Variants in CSMD3 observed in about 807,000 individuals in gnomAD.
CSMD3 encodes the protein CUB and sushi domain-containing protein 3.
CSMD3 carries 177 observed loss-of-function variants against 435.2 expected under a neutral mutation model. That is an observed-to-expected ratio of 0.41 (90% CI 0.36 to 0.46). CSMD3 has a LOEUF of 0.46. CSMD3 is among the 20% of genes least tolerant of loss of function. The pLI is 0.34. For missense variants in CSMD3, 4,265 were observed against 4,504.6 expected (o/e 0.95, Z 1.52); for synonymous variants, 1,656 against 1,520.5 (o/e 1.09, Z -2.07).
chr8:113,116,985 G>A (rs1444468150), intron 4 of CSMD3, among the ~76,000 whole-genome samples: 7 of 152,092 alleles, frequency 4.6e-5, no homozygotes, highest in African/African-American at 7.2e-5. Flanking sequence ...GAGGAAACAC[G>A]GCATAAAAGT....
chr8:112,899,480 A>G (rs978451882), intron 10 of CSMD3, among the ~76,000 whole-genome samples: 11 of 146,816 alleles, frequency 7.5e-5, no homozygotes, highest in Admixed American at 5.5e-4. Context: ...TAATATTCTA[A>G]AGCATTCACT....
rs1303055761 is a variant in CSMD3, at chr8:112,636,970, G to T, written c.3562C>A (p.Pro1188Thr). The T allele has an allele frequency of 1.2e-6, 2 of 1,613,706 alleles. No individual in the cohort carries two copies. The highest frequency in any genetic ancestry group is 1.7e-5 in the Admixed American group (1 of 59,946). Reference sequence around the variant, plus strand: ...AACCCGATTCGACTACCATATTGAGGAATGCCAGGATCTTCACAAGGTTCA... The same window carrying T: ...AACCCGATTCGACTACCATATTGAGTAATGCCAGGATCTTCACAAGGTTCA... Reference protein sequence around the residue: ...NLEPCEDPGIPQYGSRIGFNF... With the variant: ...NLEPCEDPGITQYGSRIGFNF... The change falls in exon 22 of 71, where the codon CCT (proline) becomes ACT (threonine). Residue 1188 changes from proline (P) to threonine (T), a missense_variant. Pro to Thr is a conservative substitution (Grantham distance 38). Transcript: ENST00000297405.
chr8:113,321,395 ACTT>A (rs1204340496), intron 1 of CSMD3, among the ~76,000 whole-genome samples: 6 of 152,086 alleles, frequency 3.9e-5, no homozygotes, highest in Admixed American at 6.6e-5. Flanking sequence ...TTTACTAACA[ACTT>A]CTTCTTCTAG....
chr8:113,198,942 G>C (rs943541099), intron 3 of CSMD3, among the ~76,000 whole-genome samples: 1 of 151,034 alleles, frequency 6.6e-6, no homozygotes, highest in Admixed American at 6.6e-5. Context: ...TTAATTTCCT[G>C]CTTGAAATAA....
At chr8:113,293,616 G>A (rs944192786) in intron 2 of CSMD3, among the ~76,000 whole-genome samples, 11 of 151,896 alleles carry the variant, frequency 7.2e-5, no homozygotes, top group Admixed American at 2.6e-4. Flanking sequence ...CCAATCCCTC[G>A]GTCTCACTCT....
chr8:113,350,962 T>TA (rs1011898779), intron 1 of CSMD3, among the ~76,000 whole-genome samples: 501 of 147,974 alleles, frequency 3.4e-3, no homozygotes, highest in Non-Finnish European at 3.8e-3. Context: ...CCATGTACAT[T>TA]AAAAAAAAAA....
rs1348884811 is a variant in CSMD3, at chr8:112,700,053, A to G, written c.1973-10003T>C. Among the ~76,000 whole-genome samples, 4 of 152,078 alleles carry G rather than the reference A, an allele frequency of 2.6e-5. No individual in the cohort carries two copies. The East Asian group carries it at 7.7e-4, about 29-fold the overall frequency. ...TATTTATGTTGATTTTCTGATTTGT[A>G]TGGTTGTTTTGTGGTTACATAAAGG... On this transcript the variant is annotated intron_variant, in intron 13 of 70. Transcript: ENST00000297405.
Position 112,518,625 on chromosome 8 carries a change from T to TGAGA in CSMD3, c.4565-1401_4565-1400insTCTC, listed in dbSNP as rs1440995573. Among the ~76,000 whole-genome samples, 16 of 130,862 alleles carry TGAGA rather than the reference T, an allele frequency of 1.2e-4. No individual in the cohort carries two copies. The East Asian group carries it at 4.1e-3, about 34-fold the overall frequency. 85.9% of individuals were successfully genotyped at this position (130,862 alleles called of 152,430 possible). A position where few individuals can be genotyped will look rare whatever the true frequency, so the allele number is the denominator to read the frequency against. On this transcript the variant is annotated intron_variant, in intron 27 of 70. Transcript: ENST00000297405. ...AAAAAATGGTGTGTGTGTGTGTGTGTGTGTGAGAGAGAGAGAGAGAGAGAG... is the reference window on the plus strand; with the variant it reads ...AAAAAATGGTGTGTGTGTGTGTGTGTGAGAGTGTGAGAGAGAGAGAGAGAGAGAG...
At chr8:113,189,235 T>G (rs902403897) in intron 3 of CSMD3, among the ~76,000 whole-genome samples, 1 of 151,858 alleles carries the variant, frequency 6.6e-6, no homozygotes, top group Non-Finnish European at 1.5e-5. Flanking sequence ...TACAATACAA[T>G]GAGAATTGCT....
At chr8:112,423,958 C>A (rs1434207292) in intron 32 of CSMD3, among the ~76,000 whole-genome samples, 1 of 152,064 alleles carries the variant, frequency 6.6e-6, no homozygotes, top group Non-Finnish European at 1.5e-5. Flanking sequence ...GCTATAATTC[C>A]AATGGAAGTT....
intron 17 of CSMD3, among the ~76,000 whole-genome samples, chr8:112,660,663 T>C (rs1449395302): frequency 6.6e-6 from 1 of 152,194 alleles, no homozygotes; most frequent in Non-Finnish European, 1.5e-5. Context: ...GGAGCGTTTA[T>C]TTCAGTTTAC....
At chr8:112,514,833 C>G (rs1393512874) in intron 28 of CSMD3, among the ~76,000 whole-genome samples, 1 of 152,044 alleles carries the variant, frequency 6.6e-6, no homozygotes, top group African/African-American at 2.4e-5. Context: ...TATTTCCAAT[C>G]ATGAAGTTCT....
At chr8:113,248,518 TTA>T (rs1185888997) in intron 3 of CSMD3, among the ~76,000 whole-genome samples, 6 of 128,036 alleles carry the variant, frequency 4.7e-5, no homozygotes, top group Admixed American at 7.8e-5. Context: ...TATTTCCATA[TTA>T]TATATATATG....
At chr8:112,333,288 C>T (rs1761835940) in intron 45 of CSMD3, among the ~76,000 whole-genome samples, 1 of 152,112 alleles carries the variant, frequency 6.6e-6, no homozygotes, top group Admixed American at 6.5e-5. Flanking sequence ...CTGCCTCAGC[C>T]ACCTGAGTAG....
At chr8:112,420,392 A>G (rs1027063297) in intron 32 of CSMD3, among the ~76,000 whole-genome samples, 2 of 152,184 alleles carry the variant, frequency 1.3e-5, no homozygotes, top group Non-Finnish European at 2.9e-5. Flanking sequence ...GCCACAATAT[A>G]ATTACCAGAT....
chr8:112,648,527 C>T (rs1198329989), intron 19 of CSMD3, among the ~76,000 whole-genome samples: 1 of 152,060 alleles, frequency 6.6e-6, no homozygotes, highest in Non-Finnish European at 1.5e-5. Flanking sequence ...CATGATTAGT[C>T]ATTTGAGCTT....
At chr8:113,346,058 A>C (rs1227021196) in intron 1 of CSMD3, among the ~76,000 whole-genome samples, 2 of 152,070 alleles carry the variant, frequency 1.3e-5, no homozygotes, top group Admixed American at 6.6e-5. Context: ...CCCATGTTTC[A>C]GCCCTTTTGG....
At chr8:113,431,131 G>A (rs1563814650) in intron 1 of CSMD3, among the ~76,000 whole-genome samples, 3 of 152,148 alleles carry the variant, frequency 2.0e-5, no homozygotes, top group Non-Finnish European at 4.4e-5. Context: ...AGGTATACCT[G>A]GAAATACCGT....
chr8:113,019,954 G>T (rs770926471), intron 5 of CSMD3, among the ~76,000 whole-genome samples: 2 of 151,516 alleles, frequency 1.3e-5, no homozygotes, highest in Non-Finnish European at 2.9e-5. Flanking sequence ...ATGAGGTCAG[G>T]AGATCGAGAC....
Sources: gnomAD v4.1 joint callset for allele counts (sites outside exome capture counted in the v4.1 genomes callset) on GRCh38, gnomAD v4.1.1 for gene constraint, MANE v1.5 for transcripts, NCBI Gene and HGNC (gene_info 2026-07-23, HGNC 2026-07-21) for gene names.